Variants in AR observed in about 807,000 individuals in gnomAD.
The protein encoded by AR is dihydrotestosterone receptor.
A neutral mutation model predicts 53.9 loss-of-function variants in AR; 8 were observed. The observed-to-expected ratio is 0.15, with a 90% CI of 0.09 to 0.27. The LOEUF is 0.27. Ranked by LOEUF, AR falls within the 10% of genes least tolerant of loss-of-function variation. The pLI is 1.00. For missense variants in AR, 639 were observed against 742.5 expected, an observed-to-expected ratio of 0.86 and a Z score of 1.62; for synonymous variants, 359 against 316.4, an observed-to-expected ratio of 1.13 and a Z score of -1.43.
intron 2 of AR, 22 bp from the exon 3 acceptor site, chrX:67,685,988 A>T (rs769558677): frequency 8.3e-7 from 1 of 1,209,657 alleles, no homozygotes. Context: ...AGGTCTATCA[A>T]CTCTTGTATT....
intron 1 of AR, among the ~76,000 whole-genome samples, chrX:67,638,751 A>G (rs1368519014): frequency 8.9e-6 from 1 of 112,107 alleles, no homozygotes; most frequent in Non-Finnish European, 1.9e-5. Flanking sequence ...GATAGACTGC[A>G]GAAATTTTCT....
intron 1 of AR, among the ~76,000 whole-genome samples, chrX:67,602,212 A>C (rs761467835): frequency 5.2e-4 from 58 of 112,140 alleles, no homozygotes; most frequent in African/African-American, 1.7e-3. Flanking sequence ...TACTCAGTCC[A>C]TTTTAATACA....
chrX:67,604,860 A>T (rs1923557376), intron 1 of AR, among the ~76,000 whole-genome samples: 1 of 111,694 alleles, frequency 9.0e-6, no homozygotes, highest in Admixed American at 9.5e-5. Flanking sequence ...TCTGATATAT[A>T]TTCCTCTGCA....
chrX:67,658,532 G>C (rs931089636), intron 2 of AR, among the ~76,000 whole-genome samples: 1 of 111,752 alleles, frequency 8.9e-6, no homozygotes, highest in East Asian at 2.8e-4. Flanking sequence ...TGATCATAGC[G>C]TACTACACCC....
intron 1 of AR, among the ~76,000 whole-genome samples, chrX:67,610,566 T>A (rs750752807): frequency 9.0e-4 from 100 of 111,196 alleles, no homozygotes; most frequent in Non-Finnish European, 1.5e-3. Context: ...TTGTTAGATA[T>A]ATGCATGGTA....
intron 4 of AR, among the ~76,000 whole-genome samples, chrX:67,713,779 A>G (rs2076102611): frequency 9.0e-6 from 1 of 111,567 alleles, no homozygotes; most frequent in African/African-American, 3.3e-5. Flanking sequence ...CCCAACCACC[A>G]AGATGGAAAG....
intron 2 of AR, among the ~76,000 whole-genome samples, chrX:67,659,917 G>C (rs1413745076): frequency 9.0e-6 from 1 of 111,579 alleles, no homozygotes; most frequent in African/African-American, 3.3e-5. Flanking sequence ...ATTCTAATTG[G>C]TGTGAGATGG....
intron 5 of AR, among the ~76,000 whole-genome samples, chrX:67,720,353 C>T (rs2076130611): frequency 9.2e-6 from 1 of 108,617 alleles, no homozygotes; most frequent in Non-Finnish European, 1.9e-5. Flanking sequence ...CTTCTCTTTC[C>T]TCCATTCCCC....
At chrX:67,656,586 C>A (rs1407482781) in intron 2 of AR, among the ~76,000 whole-genome samples, 3 of 111,787 alleles carry the variant, frequency 2.7e-5, no homozygotes, top group Non-Finnish European at 5.6e-5. Context: ...TAAGTGCATA[C>A]TTAATCCTCA....
intron 4 of AR, among the ~76,000 whole-genome samples, chrX:67,712,040 C>T (rs902840587): frequency 8.9e-6 from 1 of 112,055 alleles, no homozygotes; most frequent in African/African-American, 3.2e-5. Context: ...TTTGCACACA[C>T]AGGCTCACCC....
chrX:67,627,940 T>A (rs752990107), intron 1 of AR, among the ~76,000 whole-genome samples: 1 of 111,801 alleles, frequency 8.9e-6, no homozygotes, highest in African/African-American at 3.3e-5. Flanking sequence ...AAAGATCAGA[T>A]AGTTGTAGAT....
chrX:67,561,921 G>A (rs1291528385), intron 1 of AR, among the ~76,000 whole-genome samples: 11 of 99,314 alleles, frequency 1.1e-4, no homozygotes, highest in Admixed American at 1.1e-4. Context: ...TTCAGTAAAC[G>A]AAAGAGGTTT....
At chrX:67,666,405 A>G (rs1439369953) in intron 2 of AR, among the ~76,000 whole-genome samples, 2 of 111,443 alleles carry the variant, frequency 1.8e-5, no homozygotes, top group Non-Finnish European at 3.8e-5. Context: ...TTTCTTTTTT[A>G]TGGCTTAATA....
At chrX:67,628,290 G>C (rs924675177) in intron 1 of AR, among the ~76,000 whole-genome samples, 11 of 101,990 alleles carry the variant, frequency 1.1e-4, no homozygotes, top group East Asian at 6.4e-4. Context: ...TCTTCCATTT[G>C]TTTGTATCCT....
chrX:67,565,698 T>C (rs906985725), intron 1 of AR, among the ~76,000 whole-genome samples: 5 of 110,527 alleles, frequency 4.5e-5, no homozygotes, highest in Admixed American at 9.6e-5. Context: ...CAGGATTTGG[T>C]GAATTTTTTG....
intron 1 of AR, among the ~76,000 whole-genome samples, chrX:67,559,716 G>A (rs1412365416): frequency 8.9e-6 from 1 of 112,028 alleles, no homozygotes; most frequent in African/African-American, 3.2e-5. Flanking sequence ...TTGTCACATT[G>A]GGCCACCTCT....
chrX:67,618,989 A>G (rs970179821), intron 1 of AR, among the ~76,000 whole-genome samples: 1 of 111,897 alleles, frequency 8.9e-6, no homozygotes, highest in Non-Finnish European at 1.9e-5. Flanking sequence ...CTGTAAGCCA[A>G]GTGGTTTTCA....
At chrX:67,599,312 G>A (rs954206007) in intron 1 of AR, among the ~76,000 whole-genome samples, 15 of 111,875 alleles carry the variant, frequency 1.3e-4, no homozygotes, top group Non-Finnish European at 2.8e-4. Flanking sequence ...GGAAAATGCA[G>A]GATGTTTAGT....
At chrX:67,645,678 A>G (rs914235192) in intron 2 of AR, among the ~76,000 whole-genome samples, 2 of 110,928 alleles carry the variant, frequency 1.8e-5, no homozygotes, top group African/African-American at 3.3e-5. Context: ...CATATGGACC[A>G]TAGATTTCAG....
Sources: allele counts gnomAD v4.1 joint callset (sites outside exome capture counted in the v4.1 genomes callset), GRCh38; gene constraint gnomAD v4.1.1; transcripts MANE v1.5; gene names NCBI Gene and HGNC (gene_info 2026-07-23, HGNC 2026-07-21).